The following SEPTIN3 variants were observed in gnomAD, a reference collection of about 807,000 sequenced individuals.
The protein encoded by SEPTIN3 is neuronal-specific septin-3.
In SEPTIN3, 15 loss-of-function variants were observed where a neutral mutation model predicts 45.1. That is an observed-to-expected ratio of 0.33 (90% CI 0.22 to 0.51). SEPTIN3 has a LOEUF of 0.51. Among genes scored for constraint, SEPTIN3 ranks in the 20% least tolerant of loss-of-function variants. The probability of loss-of-function intolerance (pLI) is 0.97; values close to 1 mark genes in which losing one functional copy is unlikely to be tolerated. For missense variants in SEPTIN3, 289 were observed against 457.2 expected, an observed-to-expected ratio of 0.63 and a Z score of 3.35; for synonymous variants, 148 against 164.8, an observed-to-expected ratio of 0.90 and a Z score of 0.78.
intron 4 of SEPTIN3, among the ~76,000 whole-genome samples, chr22:41,986,576 T>C (rs1329714253): frequency 2.6e-5 from 4 of 152,028 alleles, no homozygotes; most frequent in Non-Finnish European, 4.4e-5. Context: ...CTCGGCTCAC[T>C]GCAAGCTCCA....
intron 3 of SEPTIN3, among the ~76,000 whole-genome samples, chr22:41,982,877 G>A (rs995920849): frequency 3.3e-5 from 5 of 150,860 alleles, no homozygotes; most frequent in African/African-American, 1.2e-4. Flanking sequence ...GGCAACAAGA[G>A]TGAAACTCCA....
chr22:41,994,452 C>T lies in SEPTIN3; in HGVS notation c.2411+111C>T, dbSNP rs2078387713. The T allele has an allele frequency of 6.7e-7, 1 of 1,501,726 alleles. No homozygotes were observed. The highest frequency in any genetic ancestry group is 9.2e-7 in the Non-Finnish European group (1 of 1,087,990). The allele number at this position is 1,501,726 out of a possible 1,614,324, so 93.0% of individuals were successfully genotyped here. A position where few individuals can be genotyped will look rare whatever the true frequency, so the allele number is the denominator to read the frequency against. On this transcript the variant is annotated intron_variant, in intron 10 of 11. Transcript: ENST00000644076. The surrounding 1 kb of genome is among the most constrained non-coding windows in gnomAD (Gnocchi z 4.2). The stretch of plus-strand genomic sequence containing the variant: ...CTCCAGGTCTCTCTGACAGAGCTTT[C>T]TGCCCCAGTTCCAGCTCCTGTTGCA...
chr22:41,972,954 GC>G lies in SEPTIN3; in HGVS notation c.1464del (p.Thr489GlnfsTer39). 2.5e-6 allele frequency: 1 copy of G among 399,034 alleles called. No individual in the cohort carries two copies. Among genetic ancestry groups the G allele is most frequent in the East Asian group, 3.6e-5 (1 of 28,080 alleles). The allele number at this position is 399,034 out of a possible 1,614,324, so 24.7% of individuals were successfully genotyped here. On this transcript the variant is annotated frameshift_variant, in exon 2 of 12. Transcript: ENST00000644076. LOFTEE classifies it high-confidence loss of function. ...CAACACTAATGCTGCCATGGACAGA[GC>G]CACAGAGCCTGCCTCACTGGACCTG... The part of the protein sequence containing the change: ...LDNTNAAMDR[A>X]TEPASLDLAT...
chr22:41,986,234 G>C, intron 4 of SEPTIN3, 122 bp downstream of exon 4: 1 of 1,194,920 alleles, frequency 8.4e-7, no homozygotes, highest in Non-Finnish European at 1.2e-6. Context: ...CAAAACAGAC[G>C]TGAGCACTTC....
In SEPTIN3 at chr22:41,985,991, T is replaced by A; in HGVS notation, c.1704T>A (p.Ser568Arg). 1 of 1,608,650 alleles carries A rather than the reference T, an allele frequency of 6.2e-7. No homozygotes were observed. The highest frequency in any genetic ancestry group is 8.5e-7 in the Non-Finnish European group (1 of 1,177,470). ...CCTCCTGCTTTGCTGTAGGCCAGAG[T>A]GGACTGGGCAAATCAACGCTGGTCA... Reference protein sequence around the residue: ...FDFNIMVVGQSGLGKSTLVNT... With the variant: ...FDFNIMVVGQRGLGKSTLVNT... The change falls in exon 4 of 12, where the codon AGT (serine) becomes AGA (arginine). Residue 568 changes from serine to arginine, a missense_variant. Physicochemically the swap from Ser to Arg is moderately radical, Grantham distance 110. Around this residue, in one of 3 missense-constraint regions of SEPTIN3, gnomAD observed 200 missense variants for 315.1 expected, o/e 0.63. Transcript: ENST00000644076.
chr22:41,994,339 C>T lies in SEPTIN3; in HGVS notation c.2409C>T (p.Ile803=). The T allele has an allele frequency of 1.2e-6, 2 of 1,614,008 alleles. No homozygotes were observed. Among genetic ancestry groups the T allele is most frequent in the Non-Finnish European group, 1.7e-6 (2 of 1,179,978 alleles). ...CEFALLRDFV[I]RTHLQDLKEV... The stretch of plus-strand genomic sequence containing the variant: ...TTGCCCTGCTTCGAGACTTTGTCAT[C>T]AGGTAAGATGTCTCCCCTCCAGCTG... The change falls in exon 10 of 12, where the codon ATC becomes ATT. Residue 803 remains isoleucine (I), a splice_region_variant and synonymous_variant. Coordinates refer to ENST00000644076, the MANE Select transcript of SEPTIN3 (RefSeq NM_001363845.2). This position sits in a 1 kb window ranked among gnomAD's most constrained non-coding sequence, Gnocchi z 4.2.
intron 2 of SEPTIN3, among the ~76,000 whole-genome samples, chr22:41,974,353 G>C (rs544066340): frequency 6.6e-6 from 1 of 151,932 alleles, no homozygotes; most frequent in Non-Finnish European, 1.5e-5. Context: ...GGTGGATCAC[G>C]AGGTGAGTTG....
In SEPTIN3 at chr22:41,990,618, T is replaced by A. The variant is rs573524793; in HGVS notation, c.2163+934T>A. On this transcript the variant is annotated intron_variant, in intron 7 of 11. Transcript: ENST00000644076. The stretch of plus-strand genomic sequence containing the variant: ...AAAATTAGCCGGGTGTGGTGGCGGG[T>A]GCCTGTAGTCCCAGCTACTCAGGAG... Among the ~76,000 whole-genome samples the A allele has an allele frequency of 2.3e-4, 35 of 149,722 alleles. 1 individual carries two copies. The East Asian group carries it at 2.4e-3, about 10-fold the overall frequency.
Position 41,985,886 on chromosome 22 carries a change from T to C in SEPTIN3, c.1697-98T>C, listed in dbSNP as rs904430852. The C allele has an allele frequency of 7.0e-6, 10 of 1,426,884 alleles. No homozygotes were observed. The East Asian group carries it at 2.7e-4, about 38-fold the overall frequency. The allele number at this position is 1,426,884 out of a possible 1,614,324, so 88.4% of individuals were successfully genotyped here. A position where few individuals can be genotyped will look rare whatever the true frequency, so the allele number is the denominator to read the frequency against. ...GTGAGTGGTCAGACAAGGTGTGGCC[T>C]GGATCATGGCTCTAGAATTCTGTAA... On this transcript the variant is annotated intron_variant, in intron 3 of 11. Transcript: ENST00000644076.
At chr22:41,992,532 A>T (rs2078335133) in intron 8 of SEPTIN3, 132 bp from the exon 9 acceptor site, 1 of 602,042 alleles carries the variant, frequency 1.7e-6, no homozygotes, top group Non-Finnish European at 3.0e-6. Context: ...TGCCATCAGT[A>T]GTATCTCTGA....
chr22:41,982,158 T>C (rs1317415093), intron 3 of SEPTIN3: 6 of 318,000 alleles, frequency 1.9e-5, no homozygotes, highest in African/African-American at 1.3e-4. Flanking sequence ...CTCTGAGAGC[T>C]GGTGGAAGGA....
intron 2 of SEPTIN3, among the ~76,000 whole-genome samples, chr22:41,980,129 CTTTTTTTTTTT>C (rs569424612): frequency 1.2e-4 from 12 of 103,422 alleles, no homozygotes; most frequent in Non-Finnish European, 5.4e-5. Flanking sequence ...TGCTCAGTGC[CTTTTTTTTTTT>C]TTTTTTTTTT....
At chr22:41,985,778 T>C in intron 3 of SEPTIN3, 1 of 461,768 alleles carries the variant, frequency 2.2e-6, no homozygotes, top group East Asian at 4.2e-5. Flanking sequence ...GGAATCCAAG[T>C]GATGTTTCCC....
At chr22:41,996,856 C>G (rs1376476797) in intron 11 of SEPTIN3, 46 bp from the exon 12 acceptor site, 1 of 1,610,804 alleles carries the variant, frequency 6.2e-7, no homozygotes, top group Non-Finnish European at 8.5e-7. Context: ...TGTCTGCTGC[C>G]AGCTGCTGGT....
chr22:41,982,734 C>CA (rs1284295453), intron 3 of SEPTIN3, among the ~76,000 whole-genome samples: 2 of 151,356 alleles, frequency 1.3e-5, no homozygotes, highest in South Asian at 2.1e-4. Context: ...ATTAAAAATA[C>CA]AAAAAAATTA....
At position 41,994,050 on chromosome 22, in the gene SEPTIN3, C is replaced by G. The variant is rs2078374464; in HGVS notation, c.2360-240C>G. Among the ~76,000 whole-genome samples the G allele has an allele frequency of 6.6e-6, 1 of 152,210 alleles. No individual in the cohort carries two copies. Among genetic ancestry groups the G allele is most frequent in the African/African-American group, 2.4e-5 (1 of 41,452 alleles). Reference sequence around the variant, plus strand: ...TAAAATGGTAAAAATTATAGTCCCTCTTGGCTATTATGCCACAGCGTCTAG... The same window carrying G: ...TAAAATGGTAAAAATTATAGTCCCTGTTGGCTATTATGCCACAGCGTCTAG... On this transcript the variant is annotated intron_variant, in intron 9 of 11. Transcript: ENST00000644076. The surrounding 1 kb of genome is among the most constrained non-coding windows in gnomAD (Gnocchi z 4.2).
intron 2 of SEPTIN3, among the ~76,000 whole-genome samples, chr22:41,978,140 C>T (rs1365960234): frequency 6.6e-6 from 1 of 152,194 alleles, no homozygotes; most frequent in Non-Finnish European, 1.5e-5. Context: ...ATTCTACTCC[C>T]TTGACTGTGG....
intron 7 of SEPTIN3, 62 bp from the exon 8 acceptor site, chr22:41,991,511 A>G: frequency 8.3e-7 from 1 of 1,211,500 alleles, no homozygotes; most frequent in Admixed American, 1.7e-5. Context: ...ACACAGGTGC[A>G]CACACCCCTC....
At position 41,976,592 on chromosome 22, in the gene SEPTIN3, C is replaced by A. The variant is rs1339861118; in HGVS notation, c.1504+3596C>A. The A allele has an allele frequency of 1.3e-5, 2 of 152,130 alleles. No homozygotes were observed. Among genetic ancestry groups the A allele is most frequent in the African/African-American group, 2.4e-5 (1 of 41,436 alleles). The allele number at this position is 152,130 out of a possible 1,614,324, so 9.4% of individuals were successfully genotyped here. A position where few individuals can be genotyped will look rare whatever the true frequency, so the allele number is the denominator to read the frequency against. ...CCGCCGCAGCCCAGTGGGTAAGGGG[C>A]GGGGAGCAGGTCCAGCGGGGAGAGA... On this transcript the variant is annotated intron_variant, in intron 2 of 11. Coordinates refer to ENST00000644076, the MANE Select transcript of SEPTIN3 (RefSeq NM_001363845.2). This position sits in a 1 kb window ranked among gnomAD's most constrained non-coding sequence, Gnocchi z 5.8.
Sources: allele counts gnomAD v4.1 joint callset (sites outside exome capture counted in the v4.1 genomes callset), GRCh38; gene constraint gnomAD v4.1.1; regional missense constraint gnomAD v4.1.1; non-coding constraint Gnocchi (gnomAD v3.1); transcripts MANE v1.5; gene names NCBI Gene and HGNC (gene_info 2026-07-23, HGNC 2026-07-21).